The following THSD1 variants were observed in gnomAD, a reference collection of about 807,000 sequenced individuals.
THSD1 encodes thrombospondin type-1 domain-containing protein 1.
In THSD1, 34 loss-of-function variants were observed where a neutral mutation model predicts 46.3. The ratio of observed to expected loss-of-function variants is 0.74; its 90% CI spans 0.56 to 0.98. The LOEUF (loss-of-function observed/expected upper bound fraction) is 0.98, where lower values mean the gene tolerates loss of function less well. Among genes scored for constraint, THSD1 ranks in the 50% least tolerant of loss-of-function variants. THSD1 has a pLI of 0.00. For missense variants in THSD1, 1,023 were observed against 1,058.3 expected (o/e 0.97, Z 0.46); for synonymous variants, 407 against 416.5 (o/e 0.98, Z 0.28).
intron 3 of THSD1, among the ~76,000 whole-genome samples, chr13:52,394,442 C>T (rs1049923605): frequency 3.3e-5 from 5 of 152,008 alleles, no homozygotes; most frequent in African/African-American, 7.2e-5. Context: ...GGCAAAACCC[C>T]GTCTCTACTA....
At chr13:52,395,101 GT>G (rs1332168133) in intron 3 of THSD1, among the ~76,000 whole-genome samples, 1 of 152,148 alleles carries the variant, frequency 6.6e-6, no homozygotes, top group African/African-American at 2.4e-5. Flanking sequence ...ACCTTGGAAG[GT>G]TTTATGGATT....
chr13:52,392,933 G>C (rs1050236188), intron 3 of THSD1, among the ~76,000 whole-genome samples: 1 of 152,126 alleles, frequency 6.6e-6, no homozygotes, highest in African/African-American at 2.4e-5. Flanking sequence ...AAGTGGTTAC[G>C]GGTGTTCCAA....
chr13:52,381,821 T>C (rs1393419497), intron 4 of THSD1, among the ~76,000 whole-genome samples: 2 of 152,154 alleles, frequency 1.3e-5, no homozygotes, highest in Non-Finnish European at 2.9e-5. Flanking sequence ...AGACCTATCT[T>C]GCTCCTTGTC....
At chr13:52,402,496 T>C in intron 2 of THSD1, 47 bp downstream of exon 2, 1 of 1,570,562 alleles carries the variant, frequency 6.4e-7, no homozygotes, top group Non-Finnish European at 8.8e-7. Flanking sequence ...ATGTCATCTT[T>C]ATGTCTTATT....
At chr13:52,398,435 A>G in intron 2 of THSD1, 1 of 727,692 alleles carries the variant, frequency 1.4e-6, no homozygotes, top group Non-Finnish European at 1.7e-6. Context: ...ACACCCAGCT[A>G]ATTTTCTTTT....
In THSD1 at chr13:52,377,522, C is replaced by T. The variant is rs553843095; in HGVS notation, c.2448G>A (p.Ser816=). The T allele has an allele frequency of 8.8e-6, 14 of 1,598,706 alleles. No homozygotes were observed. The highest frequency in any genetic ancestry group is 1.3e-5 in the African/African-American group (1 of 74,730). ...HPEFAFYDNT[S]FGLTEAEQRM... The stretch of plus-strand genomic sequence containing the variant: ...TCTGCTCAGCCTCAGTGAGGCCAAA[C>T]GACGTATTGTCATAGAAGGCAAACT... The change falls in exon 5 of 5, where the codon TCG becomes TCA. Residue 816 remains serine, a synonymous_variant. Coordinates refer to ENST00000258613, the MANE Select transcript of THSD1 (RefSeq NM_018676.4).
rs140001898 is a variant in THSD1 at position 52,397,419 on chromosome 13, G to A, written c.834C>T (p.Ala278=). The A allele has an allele frequency of 6.2e-7, 1 of 1,614,052 alleles. No individual in the cohort carries two copies. Among genetic ancestry groups the A allele is most frequent in the African/African-American group, 1.3e-5 (1 of 74,998 alleles). ...TGGTCCTCTTCCCAGGGTATCTGGG[G>A]GCCTCCTTGAAGACAGTGACCACTC... ...VQGVVTVFKE[A]PRYPGKRTIH... Residue 278 remains alanine, a synonymous_variant, in exon 3 of 5, where the codon GCC becomes GCT. Transcript: ENST00000258613.
chr13:52,391,000 T>G (rs1272404547), intron 3 of THSD1, among the ~76,000 whole-genome samples: 1 of 152,166 alleles, frequency 6.6e-6, no homozygotes, highest in Non-Finnish European at 1.5e-5. Context: ...CATTACTCAC[T>G]CCAAAGATTG....
intron 1 of THSD1, among the ~76,000 whole-genome samples, chr13:52,404,690 C>T (rs1053610976): frequency 6.6e-6 from 1 of 152,184 alleles, no homozygotes. Flanking sequence ...AATTACAATG[C>T]TTCTTTTAAG....
At chr13:52,396,479 G>T (rs75734057) in intron 3 of THSD1, among the ~76,000 whole-genome samples, 5 of 152,100 alleles carry the variant, frequency 3.3e-5, no homozygotes, top group Non-Finnish European at 7.4e-5. Context: ...CCGAGATCGC[G>T]CCACTGCACT....
intron 1 of THSD1, among the ~76,000 whole-genome samples, chr13:52,404,699 A>C (rs2137753718): frequency 6.6e-6 from 1 of 152,318 alleles, no homozygotes; most frequent in South Asian, 2.1e-4. Flanking sequence ...GCTTCTTTTA[A>C]GTCACTGAGA....
intron 3 of THSD1, among the ~76,000 whole-genome samples, chr13:52,390,140 C>CAAAA (rs71769281): frequency 3.6e-5 from 5 of 138,412 alleles, no homozygotes; most frequent in African/African-American, 1.4e-4. Flanking sequence ...GACATTGTCT[C>CAAAA]AAAAAAAAAA....
chr13:52,394,933 G>T (rs1395007500), intron 3 of THSD1, among the ~76,000 whole-genome samples: 2 of 152,182 alleles, frequency 1.3e-5, no homozygotes, highest in Non-Finnish European at 2.9e-5. Context: ...AAAAGATGCT[G>T]CCCCAGCTTC....
chr13:52,397,219 T>C lies in THSD1; in HGVS notation c.1021+13A>G, dbSNP rs1334426655. The C allele has an allele frequency of 2.6e-6, 4 of 1,526,510 alleles. No individual in the cohort carries two copies. The highest frequency in any genetic ancestry group is 3.5e-6 in the Non-Finnish European group (4 of 1,138,126). 94.6% of individuals were successfully genotyped at this position (1,526,510 alleles called of 1,614,324 possible). On this transcript the variant is annotated intron_variant, in intron 3 of 4. Coordinates refer to ENST00000258613, the MANE Select transcript of THSD1 (RefSeq NM_018676.4). ...GATTTGATTTAAAATGTTAAAAAAA[T>C]CTCAATACAAACCTGTATTTCTCTG...
intron 2 of THSD1, among the ~76,000 whole-genome samples, chr13:52,401,124 C>T (rs1957856175): frequency 6.6e-6 from 1 of 151,786 alleles, no homozygotes; most frequent in Non-Finnish European, 1.5e-5. Flanking sequence ...ACAAGTGCGT[C>T]TCACCACATC....
rs955622980 is a variant in THSD1 at position 52,402,961 on chromosome 13, G to T, written c.-81-280C>A. On this transcript the variant is annotated intron_variant, in intron 1 of 4. Coordinates refer to ENST00000258613, the MANE Select transcript of THSD1 (RefSeq NM_018676.4). ...TCTTCTCTTTACAGCACATCCTGAC[G>T]TGGAGAGTTTATTGTTATTTGCTTA... 3 of 985,114 alleles carry T rather than the reference G, an allele frequency of 3.0e-6. No homozygotes were observed. In the African/African-American group the frequency reaches 5.2e-5, roughly 17 times the overall value. 61.0% of individuals were successfully genotyped at this position (985,114 alleles called of 1,614,324 possible). A position where few individuals can be genotyped will look rare whatever the true frequency, so the allele number is the denominator to read the frequency against.
chr13:52,402,644 T>C lies in THSD1; in HGVS notation c.-44A>G, dbSNP rs144415955. The C allele has an allele frequency of 3.6e-4, 573 of 1,609,444 alleles. No homozygotes were observed. The highest frequency in any genetic ancestry group is 1.9e-3 in the East Asian group (84 of 44,782). On this transcript the variant is annotated 5_prime_UTR_variant, in exon 2 of 5. Transcript: ENST00000258613. ...AGGTCTTTAGTCTCCTCATGTCCTTTCTCACGTCCAGATTGTGATTTTTTT... is the reference window on the plus strand; with the variant it reads ...AGGTCTTTAGTCTCCTCATGTCCTTCCTCACGTCCAGATTGTGATTTTTTT...
intron 2 of THSD1, chr13:52,398,472 G>A (rs944939511): frequency 2.2e-6 from 2 of 890,004 alleles, no homozygotes; most frequent in African/African-American, 1.8e-5. Context: ...AAACTCTTGG[G>A]CTCAAGCAAT....
chr13:52,398,254 A>T, intron 2 of THSD1, 60 bp from the exon 3 acceptor site: 1 of 1,535,442 alleles, frequency 6.5e-7, no homozygotes, highest in Non-Finnish European at 8.7e-7. Flanking sequence ...ACTATTAGTG[A>T]CATTGATGAA....
Sources: allele counts gnomAD v4.1 joint callset (sites outside exome capture counted in the v4.1 genomes callset), GRCh38; gene constraint gnomAD v4.1.1; transcripts MANE v1.5; gene names NCBI Gene and HGNC (gene_info 2026-07-23, HGNC 2026-07-21).